Variants in ARID1B observed in about 807,000 individuals in gnomAD.
ARID1B encodes the protein AT-rich interactive domain-containing protein 1B.
ARID1B carries 30 observed loss-of-function variants against 212.3 expected under a neutral mutation model. The observed-to-expected ratio is 0.14, with a 90% confidence interval of 0.11 to 0.19. The LOEUF is 0.19. Among genes scored for constraint, ARID1B ranks in the 10% least tolerant of loss-of-function variants. The pLI is 1.00. For synonymous variants in ARID1B, 1,402 were observed against 1,301.7 expected (o/e 1.08, Z -1.66); for missense variants, 2,891 against 3,204.0 (o/e 0.90, Z 2.36).
intron 4 of ARID1B, among the ~76,000 whole-genome samples, chr6:156,944,495 G>C (rs1221877451): frequency 6.6e-6 from 1 of 152,074 alleles, no homozygotes; most frequent in Non-Finnish European, 1.5e-5. Context: ...GAAGTCTAGG[G>C]AAAAGGAAAA....
intron 4 of ARID1B, among the ~76,000 whole-genome samples, chr6:157,084,113 G>A (rs1194294783): frequency 2.7e-5 from 4 of 147,006 alleles, no homozygotes; most frequent in Admixed American, 6.8e-5. Flanking sequence ...CAGCCTGGGC[G>A]ACAAGAGTGA....
intron 4 of ARID1B, among the ~76,000 whole-genome samples, chr6:157,025,221 A>C (rs957763683): frequency 6.6e-6 from 1 of 152,364 alleles, no homozygotes. Context: ...ATTCTAGAAC[A>C]CTTTCTCAGA....
At chr6:157,038,208 A>C (rs1055668457) in intron 4 of ARID1B, among the ~76,000 whole-genome samples, 6 of 152,174 alleles carry the variant, frequency 3.9e-5, no homozygotes, top group African/African-American at 1.2e-4. Context: ...AGGTGCCATC[A>C]GTTACTTCGG....
At chr6:157,152,091 A>G (rs940075539) in intron 8 of ARID1B, 3 of 152,220 alleles carry the variant, frequency 2.0e-5, no homozygotes, top group African/African-American at 7.2e-5. Context: ...TTCAAGGTCA[A>G]TTCATGAGTC....
At chr6:157,180,853 G>A in intron 11 of ARID1B, 116 bp from the exon 12 acceptor site, 3 of 782,288 alleles carry the variant, frequency 3.8e-6, no homozygotes, top group Admixed American at 5.2e-5. Context: ...TGTGATAGCA[G>A]TAGTTTTTAA....
At chr6:157,175,433 T>G (rs1792037422) in intron 11 of ARID1B, 2 of 152,260 alleles carry the variant, frequency 1.3e-5, no homozygotes, top group South Asian at 4.1e-4. Context: ...TTTTGCATGT[T>G]CTATCTATTT....
intron 8 of ARID1B, chr6:157,152,538 A>T (rs1355218616): frequency 6.6e-6 from 1 of 152,284 alleles, no homozygotes; most frequent in Non-Finnish European, 1.5e-5. Flanking sequence ...TTCTAAAAAA[A>T]GAAAGAAGTT....
chr6:157,081,386 T>C (rs995914496), intron 4 of ARID1B, among the ~76,000 whole-genome samples: 1 of 152,242 alleles, frequency 6.6e-6, no homozygotes, highest in Non-Finnish European at 1.5e-5. Flanking sequence ...ACTGTTGAAC[T>C]TCTTTTATTA....
chr6:157,082,090 T>C (rs1482536968), intron 4 of ARID1B, among the ~76,000 whole-genome samples: 2 of 151,724 alleles, frequency 1.3e-5, no homozygotes, highest in African/African-American at 2.4e-5. Flanking sequence ...TCAAAAAGAG[T>C]AAGATTATAT....
rs542357919 is a variant in ARID1B at position 157,041,457 on chromosome 6, ATAACT to A, written c.2248-43201_2248-43197del. On this transcript the variant is annotated intron_variant, in intron 4 of 19. Coordinates refer to ENST00000636930, the MANE Select transcript of ARID1B (RefSeq NM_001374828.1). ...CTGGGTCATTAAAAAACATGTAAAC[ATAACT>A]TAATAAACTTCTTAATAAATTTCTT... Among the ~76,000 whole-genome samples, 35 of 152,328 alleles carry A rather than the reference ATAACT, an allele frequency of 2.3e-4. No individual in the cohort carries two copies. The South Asian group carries it at 6.2e-3, about 27-fold the overall frequency.
intron 11 of ARID1B, among the ~76,000 whole-genome samples, chr6:157,177,335 C>T (rs1011428289): frequency 2.0e-5 from 3 of 152,248 alleles, no homozygotes; most frequent in Middle Eastern, 6.8e-3. Flanking sequence ...TAATGAAGAA[C>T]CTAACATTAT....
chr6:156,843,674 G>A (rs287902), intron 2 of ARID1B, among the ~76,000 whole-genome samples: 97,839 of 152,084 alleles, frequency 0.64, 31,862 homozygotes, highest in African/African-American at 0.7. Flanking sequence ...TTAAAAATTG[G>A]TATTTTGCAG....
chr6:156,976,421 TG>T, intron 4 of ARID1B: 1 of 168,952 alleles, frequency 5.9e-6, no homozygotes, highest in Non-Finnish European at 1.3e-5. Context: ...GGGGTGGAGT[TG>T]GGGGGACTTC....
chr6:156,905,250 GCACACACACACA>G (rs138326649), intron 3 of ARID1B, among the ~76,000 whole-genome samples: 3 of 143,838 alleles, frequency 2.1e-5, no homozygotes, highest in South Asian at 4.5e-4. Flanking sequence ...ACATATGCAC[GCACACACACACA>G]CACACACACA....
At chr6:157,092,036 G>A (rs1418875679) in intron 5 of ARID1B, among the ~76,000 whole-genome samples, 1 of 151,904 alleles carries the variant, frequency 6.6e-6, no homozygotes, top group African/African-American at 2.4e-5. Flanking sequence ...GCAAGCCGAG[G>A]AGGAAAAAAA....
At chr6:156,957,718 A>G (rs1179078269) in intron 4 of ARID1B, among the ~76,000 whole-genome samples, 2 of 151,984 alleles carry the variant, frequency 1.3e-5, no homozygotes, top group East Asian at 1.9e-4. Context: ...CGAGTCTCAA[A>G]TAATTTCATA....
At chr6:156,952,565 C>G (rs1210457171) in intron 4 of ARID1B, among the ~76,000 whole-genome samples, 1 of 152,134 alleles carries the variant, frequency 6.6e-6, no homozygotes, top group Non-Finnish European at 1.5e-5. Context: ...ACTTTGGTTG[C>G]TGAGAGTGGT....
At chr6:156,951,499 A>G (rs1007015734) in intron 4 of ARID1B, among the ~76,000 whole-genome samples, 10 of 151,598 alleles carry the variant, frequency 6.6e-5, no homozygotes, top group African/African-American at 1.9e-4. Flanking sequence ...GCTGGAGTGC[A>G]GTGGTGCCAT....
chr6:157,123,917 T>A (rs1787951402), intron 6 of ARID1B, among the ~76,000 whole-genome samples: 1 of 152,244 alleles, frequency 6.6e-6, no homozygotes, highest in South Asian at 2.1e-4. Flanking sequence ...TAGTAAGTGG[T>A]GAAGACACGA....
Sources: allele counts gnomAD v4.1 joint callset (sites outside exome capture counted in the v4.1 genomes callset), GRCh38; gene constraint gnomAD v4.1.1; transcripts MANE v1.5; gene names NCBI Gene and HGNC (gene_info 2026-07-23, HGNC 2026-07-21).